The following INSL6 variants were observed in gnomAD, a reference collection of about 807,000 sequenced individuals.
The protein encoded by INSL6 is insulin like 6, also known as insulin-like peptide INSL6.
In INSL6, 16 loss-of-function variants were observed where a neutral mutation model predicts 9.4. That is an observed-to-expected ratio of 1.70 (90% CI 1.15 to 2.59). INSL6 has a LOEUF of 2.59. Among genes scored for constraint, INSL6 ranks in the 30% most tolerant of loss-of-function variants. The pLI, the probability that INSL6 is intolerant of heterozygous loss-of-function variation, is 0.00. For missense variants in INSL6, 391 were observed against 257.3 expected, an observed-to-expected ratio of 1.52 and a Z score of -3.56; for synonymous variants, 154 against 96.9, an observed-to-expected ratio of 1.59 and a Z score of -3.46.
the INSL6 span, chr9:5,114,405 G>A: frequency 5.9e-6 from 3 of 509,006 alleles, no homozygotes; most frequent in African/African-American, 5.8e-5. Flanking sequence ...GGGCACCAGA[G>A]ACTGGATCAA....
the INSL6 span, among the ~76,000 whole-genome samples, chr9:4,998,910 C>T: frequency 1.3e-5 from 2 of 152,036 alleles, no homozygotes; most frequent in African/African-American, 4.8e-5. Flanking sequence ...CAAGCTCCGC[C>T]TCCCGGGTTC....
the INSL6 span, chr9:5,073,798 A>C: frequency 2.0e-6 from 3 of 1,536,686 alleles, no homozygotes; most frequent in Non-Finnish European, 2.7e-6. Flanking sequence ...AAGTAAAACT[A>C]CAGGCTTTCT....
the INSL6 span, among the ~76,000 whole-genome samples, chr9:5,038,636 T>G: frequency 6.6e-6 from 1 of 150,848 alleles, no homozygotes; most frequent in African/African-American, 2.4e-5. Flanking sequence ...ATTTGCAGAG[T>G]ATACGCTGGT....
chr9:5,106,445 G>A, the INSL6 span, among the ~76,000 whole-genome samples: 6 of 152,168 alleles, frequency 3.9e-5, no homozygotes, highest in East Asian at 1.9e-4. Flanking sequence ...TCACACTGTT[G>A]GTGGGAGTAG....
At chr9:5,068,843 A>G in the INSL6 span, among the ~76,000 whole-genome samples, 1 of 152,210 alleles carries the variant, frequency 6.6e-6, no homozygotes, top group African/African-American at 2.4e-5. Context: ...GTAGGCTGAG[A>G]AATTGTAAAT....
chr9:5,068,165 AAAC>A, the INSL6 span, among the ~76,000 whole-genome samples: 1 of 101,452 alleles, frequency 9.9e-6, no homozygotes, highest in East Asian at 2.5e-4. Flanking sequence ...TCTCAAAAAA[AAAC>A]AACAACAAAA....
chr9:5,164,363 CAAGT>C (rs1208080080), intron 1 of INSL6, 98 bp from the exon 2 acceptor site: 2 of 727,540 alleles, frequency 2.7e-6, no homozygotes, highest in Non-Finnish European at 4.5e-6. Context: ...TATTAAAAAA[CAAGT>C]AATCACATTT....
chr9:5,157,325 C>T (rs1824835402), intron 2 of INSL6, among the ~76,000 whole-genome samples: 1 of 152,024 alleles, frequency 6.6e-6, no homozygotes, highest in Admixed American at 6.6e-5. Context: ...GGTTGGAGAA[C>T]TTACACTATT....
chr9:5,053,039 G>A, the INSL6 span, among the ~76,000 whole-genome samples: 11 of 152,090 alleles, frequency 7.2e-5, no homozygotes, highest in South Asian at 1.7e-3. Context: ...GGAACATATG[G>A]TAACTGTTTA....
At chr9:5,148,684 G>C (rs1488199427) in intron 2 of INSL6, among the ~76,000 whole-genome samples, 2 of 152,288 alleles carry the variant, frequency 1.3e-5, no homozygotes, top group South Asian at 2.1e-4. Context: ...GTGTCCAGCA[G>C]TTCCTGGCTT....
chr9:5,110,983 A>G, the INSL6 span: 1 of 637,744 alleles, frequency 1.6e-6, no homozygotes, highest in Non-Finnish European at 2.8e-6. Flanking sequence ...CTTCAGCATG[A>G]TGTTCCCGCT....
intron 1 of INSL6, among the ~76,000 whole-genome samples, chr9:5,179,391 C>CT (rs1281708764): frequency 1.3e-5 from 2 of 152,130 alleles, no homozygotes; most frequent in Non-Finnish European, 2.9e-5. Flanking sequence ...AAAAGGAACA[C>CT]TTTTACACTG....
chr9:5,164,084 G>A lies in INSL6; in HGVS notation c.471C>T (p.Thr157=). 1.2e-6 allele frequency: 2 copies of A among 1,613,292 alleles called. No individual in the cohort carries two copies. The highest frequency in any genetic ancestry group is 1.7e-6 in the Non-Finnish European group (2 of 1,179,744). ...FQKKRRNKIK[T]LSNLFWGHHP... ...GATGCCCCCAAAACAAATTGCTTAA[G>A]GTTTTAATTTTGTTTCTACGTTTCT... The change falls in exon 2 of 2, where the codon ACC becomes ACT. Residue 157 remains threonine, a synonymous_variant. Coordinates refer to ENST00000381641, the MANE Select transcript of INSL6 (RefSeq NM_007179.3).
the INSL6 span, among the ~76,000 whole-genome samples, chr9:5,016,281 A>G: frequency 6.6e-6 from 1 of 152,140 alleles, no homozygotes; most frequent in African/African-American, 2.4e-5. Flanking sequence ...ATACCTCCTC[A>G]AGGCAGGAAT....
At chr9:5,126,176 T>G in intron 3 of INSL6, 1 of 548,722 alleles carries the variant, frequency 1.8e-6, no homozygotes, top group Admixed American at 3.5e-5. Flanking sequence ...TTAACAGCCT[T>G]ATGTTTTTGA....
chr9:5,029,940 T>TA, the INSL6 span: 1 of 1,540,838 alleles, frequency 6.5e-7, no homozygotes, highest in Admixed American at 2.1e-5. Context: ...CACTTAATGC[T>TA]AAAAGGCAAA....
At chr9:5,149,938 A>C (rs1824678946) in intron 2 of INSL6, among the ~76,000 whole-genome samples, 1 of 152,214 alleles carries the variant, frequency 6.6e-6, no homozygotes, top group Non-Finnish European at 1.5e-5. Context: ...CCTGAAATAA[A>C]GCCACATACC....
the INSL6 span, chr9:5,090,900 TC>T: frequency 6.2e-7 from 1 of 1,600,894 alleles, no homozygotes; most frequent in Non-Finnish European, 8.5e-7. Flanking sequence ...CTGGTGAAAG[TC>T]CCATATTCTG....
At chr9:5,024,455 A>T in the INSL6 span, among the ~76,000 whole-genome samples, 4 of 152,046 alleles carry the variant, frequency 2.6e-5, no homozygotes, top group Non-Finnish European at 5.9e-5. Flanking sequence ...CAGTCCATTT[A>T]CAACTCTGCC....
Sources: gnomAD v4.1 joint callset for allele counts (sites outside exome capture counted in the v4.1 genomes callset) on GRCh38, gnomAD v4.1.1 for gene constraint, MANE v1.5 for transcripts, NCBI Gene and HGNC (gene_info 2026-07-23, HGNC 2026-07-21) for gene names.